EPB41L1: variants seen among roughly 807,000 people sequenced by gnomAD.
The protein encoded by EPB41L1 is band 4.1-like protein 1.
EPB41L1 carries 29 observed loss-of-function variants against 97.8 expected under a neutral mutation model. The ratio of observed to expected loss-of-function variants is 0.30; its 90% confidence interval spans 0.22 to 0.40. EPB41L1 has a LOEUF of 0.40. Among genes scored for constraint, EPB41L1 ranks in the 10% least tolerant of loss-of-function variants. The pLI is 1.00. For missense variants in EPB41L1, 812 were observed against 1,162.3 expected (o/e 0.70, Z 4.38); for synonymous variants, 383 against 459.2 (o/e 0.83, Z 2.12).
chr20:36,172,310 C>T (rs1397603776), intron 1 of EPB41L1, among the ~76,000 whole-genome samples: 1 of 152,034 alleles, frequency 6.6e-6, no homozygotes, highest in African/African-American at 2.4e-5. Flanking sequence ...AACTCCTGAC[C>T]TCAGGTGATC....
chr20:36,180,792 A>G (rs1033261950), intron 5 of EPB41L1, among the ~76,000 whole-genome samples: 2 of 152,124 alleles, frequency 1.3e-5, no homozygotes, highest in Non-Finnish European at 2.9e-5. Context: ...ATTATTGATT[A>G]TTACCATTAT....
chr20:36,218,881 C>T lies in EPB41L1; in HGVS notation c.2274C>T (p.Asn758=), dbSNP rs2063601079. 6.2e-7 allele frequency: 1 copy of T among 1,614,132 alleles called. No individual in the cohort carries two copies. Among genetic ancestry groups the T allele is most frequent in the South Asian group, 1.1e-5 (1 of 91,078 alleles). The change falls in exon 18 of 22, where the codon AAC becomes AAT. Residue 758 remains asparagine, a synonymous_variant. Transcript: ENST00000338074. Reference sequence around the variant, plus strand: ...GAGCACTATTGTTTCCCCAGGAGAACAGTCTCAAGTCCGGGAAGGGGGCAG... The same window carrying T: ...GAGCACTATTGTTTCCCCAGGAGAATAGTCTCAAGTCCGGGAAGGGGGCAG... The part of the protein sequence containing the change: ...TTETISTTME[N]SLKSGKGAAA...
intron 6 of EPB41L1, 36 bp from the exon 7 acceptor site, chr20:36,185,081 G>A: frequency 6.2e-7 from 1 of 1,601,676 alleles, no homozygotes. Context: ...GGAGGAGTAG[G>A]GCCCTGTGCC....
At chr20:36,175,181 G>A (rs1242744164) in intron 2 of EPB41L1, among the ~76,000 whole-genome samples, 2 of 152,186 alleles carry the variant, frequency 1.3e-5, no homozygotes, top group Admixed American at 6.5e-5. Context: ...TAGATCCAGT[G>A]ACAGACAAAA....
At chr20:36,225,753 G>C (rs979769078) in intron 21 of EPB41L1, among the ~76,000 whole-genome samples, 2 of 151,996 alleles carry the variant, frequency 1.3e-5, no homozygotes, top group African/African-American at 4.8e-5. Flanking sequence ...ATCTTTCCCA[G>C]GGCATTCAGA....
chr20:36,199,956 T>C (rs1381626597), intron 14 of EPB41L1, among the ~76,000 whole-genome samples: 2 of 152,058 alleles, frequency 1.3e-5, no homozygotes, highest in African/African-American at 2.4e-5. Flanking sequence ...AGATGGGTCT[T>C]AGTAAAAGGT....
At chr20:36,154,514 C>CG (rs1374046926), upstream of EPB41L1, among the ~76,000 whole-genome samples, 1 of 131,618 alleles carries the variant, frequency 7.6e-6, no homozygotes, top group Non-Finnish European at 1.6e-5. This position sits in a 1 kb window ranked among gnomAD's most constrained non-coding sequence, Gnocchi z 5.5. Flanking sequence ...GGGCGGGGCG[C>CG]GGGGGGAGGT....
intron 1 of EPB41L1, 92 bp from the exon 2 acceptor site, chr20:36,173,672 A>C: frequency 8.5e-7 from 1 of 1,182,392 alleles, no homozygotes; most frequent in Non-Finnish European, 1.3e-6. Context: ...GTTTGCCTCC[A>C]TCTGTCTCTC....
At chr20:36,113,679 T>A (rs1048948254) in intron 2 of EPB41L1, 2 of 152,448 alleles carry the variant, frequency 1.3e-5, no homozygotes, top group African/African-American at 2.4e-5. Flanking sequence ...GAACAAGGAA[T>A]CCTCTGTCCA....
At chr20:36,143,975 C>T (rs926157834) in intron 2 of EPB41L1, among the ~76,000 whole-genome samples, 1 of 152,066 alleles carries the variant, frequency 6.6e-6, no homozygotes, top group Admixed American at 6.6e-5. Context: ...GCCTCAGCCT[C>T]CCAAGTAGCT....
intron 1 of EPB41L1, among the ~76,000 whole-genome samples, chr20:36,096,435 C>G (rs1169076114): frequency 6.6e-6 from 1 of 152,230 alleles, no homozygotes; most frequent in African/African-American, 2.4e-5. Context: ...TAAGGCCCTT[C>G]AGGATCCAGT....
chr20:36,100,866 G>T (rs367896248), intron 1 of EPB41L1, among the ~76,000 whole-genome samples: 6 of 152,236 alleles, frequency 3.9e-5, no homozygotes, highest in African/African-American at 1.4e-4. Context: ...GCACCTCCGG[G>T]ACTGGCCTTT....
upstream of EPB41L1, chr20:36,152,790 A>G: frequency 2.8e-6 from 1 of 352,068 alleles, no homozygotes; most frequent in Non-Finnish European, 5.6e-6. Flanking sequence ...CCACGGCCCC[A>G]GGGGCCTGTG....
intron 9 of EPB41L1, 130 bp downstream of exon 9, chr20:36,188,629 CACACACACACACAGAGAGAG>C (rs2061794031): frequency 1.9e-5 from 13 of 669,152 alleles, no homozygotes; most frequent in Middle Eastern, 4.6e-4. Context: ...CACACACACA[CACACACACACACAGAGAGAG>C]AGAGAGAGAG....
In EPB41L1 at chr20:36,222,328, G is replaced by C; in HGVS notation, c.2571G>C (p.Leu857=). The change falls in exon 21 of 22, where the codon CTG becomes CTC. Residue 857 remains leucine (L), a synonymous_variant. Coordinates refer to ENST00000338074, the MANE Select transcript of EPB41L1 (RefSeq NM_012156.2). ...KEAKLQHPDM[L]VTKAVVYRET... The stretch of plus-strand genomic sequence containing the variant: ...CCAAACTGCAGCATCCTGATATGCT[G>C]GTAACCAAAGCTGTCGTATACAGAG... 6.2e-7 allele frequency: 1 copy of C among 1,614,144 alleles called. No homozygotes were observed. Among genetic ancestry groups the C allele is most frequent in the Non-Finnish European group, 8.5e-7 (1 of 1,180,038 alleles).
At chr20:36,109,545 A>T (rs1402214825) in intron 1 of EPB41L1, 1 of 152,218 alleles carries the variant, frequency 6.6e-6, no homozygotes, top group African/African-American at 2.4e-5. Flanking sequence ...GCTCATATTC[A>T]GTTATTCCAT....
At chr20:36,132,417 C>G (rs1216999610) in intron 2 of EPB41L1, among the ~76,000 whole-genome samples, 1 of 152,084 alleles carries the variant, frequency 6.6e-6, no homozygotes, top group Non-Finnish European at 1.5e-5. Flanking sequence ...TTACAAGAAC[C>G]CCTGTGGTTA....
intron 16 of EPB41L1, among the ~76,000 whole-genome samples, chr20:36,214,069 T>C (rs149224467): frequency 6.6e-6 from 1 of 152,210 alleles, no homozygotes; most frequent in Admixed American, 6.5e-5. Flanking sequence ...TCAAAGGTTA[T>C]ATCCAAAGAG....
chr20:36,224,253 A>C (rs1021088483), intron 21 of EPB41L1, among the ~76,000 whole-genome samples: 2 of 152,340 alleles, frequency 1.3e-5, no homozygotes, highest in South Asian at 2.1e-4. Flanking sequence ...GGATTTTGAA[A>C]ATTTAATATA....
Sources: gnomAD v4.1 joint callset for allele counts (sites outside exome capture counted in the v4.1 genomes callset) on GRCh38, gnomAD v4.1.1 for gene constraint, Gnocchi (gnomAD v3.1) non-coding constraint, MANE v1.5 for transcripts, NCBI Gene and HGNC (gene_info 2026-07-23, HGNC 2026-07-21) for gene names.